The following MTAP variants were observed in gnomAD, a reference collection of about 807,000 sequenced individuals.
MTAP encodes the protein methylthioadenosine phosphorylase, also known as S-methyl-5'-thioadenosine phosphorylase.
A neutral mutation model predicts 33.6 loss-of-function variants in MTAP; 33 were observed. That is an observed-to-expected ratio of 0.98 (90% CI 0.74 to 1.31). The LOEUF (loss-of-function observed/expected upper bound fraction) is 1.31, where lower values mean the gene tolerates loss of function less well. Among genes scored for constraint, MTAP ranks in the 40% most tolerant of loss-of-function variants. MTAP has a pLI of 0.00. For synonymous variants in MTAP, 148 were observed against 125.7 expected (o/e 1.18, Z -1.19); for missense variants, 367 against 360.0 (o/e 1.02, Z -0.16).
chr9:21,862,262 G>GCGACCACC lies in MTAP; in HGVS notation c.*248_*249insCGACCACC. The GCGACCACC allele has an allele frequency of 1.1e-6, 1 of 942,598 alleles. No homozygotes were observed. 58.4% of individuals were successfully genotyped at this position (942,598 alleles called of 1,614,324 possible). A position where few individuals can be genotyped will look rare whatever the true frequency, so the allele number is the denominator to read the frequency against. On this transcript the variant is annotated 3_prime_UTR_variant, in exon 8 of 8. Coordinates refer to ENST00000644715, the MANE Select transcript of MTAP (RefSeq NM_002451.4). ...GGGAAAAAATATTACATTTTAAGGGGGAAAAAAAAACCCACCATTCTCTTC... is the reference window on the plus strand; with the variant it reads ...GGGAAAAAATATTACATTTTAAGGGGCGACCACCGAAAAAAAAACCCACCATTCTCTTC...
intron 4 of MTAP, among the ~76,000 whole-genome samples, chr9:21,822,887 C>T (rs1197775985): frequency 6.6e-6 from 1 of 152,152 alleles, no homozygotes; most frequent in Non-Finnish European, 1.5e-5. Context: ...ATGTAATGGC[C>T]TTCTTTGTCT....
chr9:21,908,838 C>CATAACTT (rs1488159417), intron 1 of MTAP, among the ~76,000 whole-genome samples: 1 of 151,812 alleles, frequency 6.6e-6, no homozygotes, highest in Non-Finnish European at 1.5e-5. Context: ...ATTATATATA[C>CATAACTT]ATAACTTATC....
intron 1 of MTAP, among the ~76,000 whole-genome samples, chr9:21,921,341 A>G (rs1456076821): frequency 1.3e-5 from 2 of 151,734 alleles, no homozygotes; most frequent in Non-Finnish European, 2.9e-5. Flanking sequence ...TTATTTTTTC[A>G]AAAAAACCTT....
At chr9:21,803,898 A>G (rs80123056) in intron 1 of MTAP, among the ~76,000 whole-genome samples, 112 of 152,334 alleles carry the variant, frequency 7.4e-4, no homozygotes, top group African/African-American at 2.6e-3. Context: ...GCAGGTTTAA[A>G]TGAGCCACTT....
At chr9:21,940,286 C>T (rs1819115747), downstream of MTAP, among the ~76,000 whole-genome samples, 1 of 152,170 alleles carries the variant, frequency 6.6e-6, no homozygotes, top group South Asian at 2.1e-4. Flanking sequence ...TTTGAAAAAG[C>T]TTATGTAATG....
At chr9:21,856,459 C>T (rs927735109) in intron 6 of MTAP, among the ~76,000 whole-genome samples, 2 of 152,170 alleles carry the variant, frequency 1.3e-5, no homozygotes, top group African/African-American at 4.8e-5. Context: ...TATTTGGCAG[C>T]TTTGGTAACC....
intron 5 of MTAP, among the ~76,000 whole-genome samples, chr9:21,850,666 G>A (rs922209881): frequency 3.9e-5 from 6 of 152,154 alleles, no homozygotes; most frequent in East Asian, 1.9e-4. Context: ...TTCTCCTTTC[G>A]AGAGACTGTC....
intron 5 of MTAP, among the ~76,000 whole-genome samples, chr9:21,844,809 C>T (rs528081991): frequency 7.9e-5 from 12 of 152,194 alleles, no homozygotes; most frequent in South Asian, 4.2e-4. Flanking sequence ...CCAAGGCGGG[C>T]GGATCACAAG....
At chr9:21,850,468 C>T (rs1213737232) in intron 5 of MTAP, among the ~76,000 whole-genome samples, 1 of 152,190 alleles carries the variant, frequency 6.6e-6, no homozygotes, top group Non-Finnish European at 1.5e-5. Flanking sequence ...GGCTCTGCAA[C>T]AGTTCCAGGC....
At chr9:21,872,816 T>C (rs1485024627) in intron 1 of MTAP, among the ~76,000 whole-genome samples, 1 of 152,192 alleles carries the variant, frequency 6.6e-6, no homozygotes, top group East Asian at 1.9e-4. Flanking sequence ...TTTCAACTTT[T>C]TCATGCTTTA....
chr9:21,856,014 C>T (rs1825634945), intron 6 of MTAP: 1 of 235,822 alleles, frequency 4.2e-6, no homozygotes, highest in African/African-American at 2.3e-5. Context: ...ATCAGAATCC[C>T]TTACAATCCA....
At chr9:21,902,475 T>C (rs1044954267) in intron 1 of MTAP, among the ~76,000 whole-genome samples, 1 of 152,238 alleles carries the variant, frequency 6.6e-6, no homozygotes, top group Non-Finnish European at 1.5e-5. Context: ...AAACTAGTTA[T>C]ACTGGTACAC....
At chr9:21,857,419 A>G (rs1825666310) in intron 6 of MTAP, among the ~76,000 whole-genome samples, 4 of 152,162 alleles carry the variant, frequency 2.6e-5, no homozygotes, top group Non-Finnish European at 2.9e-5. Flanking sequence ...TCCTATACAC[A>G]TCTTGGTGTT....
chr9:21,845,353 C>A (rs1825353624), intron 5 of MTAP, among the ~76,000 whole-genome samples: 1 of 151,998 alleles, frequency 6.6e-6, no homozygotes, highest in African/African-American at 2.4e-5. Context: ...TCAATATACT[C>A]AAATCAATAG....
At chr9:21,803,025 CA>C (rs1824101404) in intron 1 of MTAP, 2 of 1,096,958 alleles carry the variant, frequency 1.8e-6, no homozygotes, top group African/African-American at 1.7e-5. Flanking sequence ...CACACACACA[CA>C]CACACACACA....
intron 1 of MTAP, chr9:21,930,304 C>A (rs2518714): frequency 0.65 from 135,780 of 207,818 alleles, 47,883 homozygotes; most frequent in Non-Finnish European, 0.79. Context: ...CTCATCTCTT[C>A]TTTTGTTTTG....
intron 1 of MTAP, among the ~76,000 whole-genome samples, chr9:21,810,473 C>G (rs867708675): frequency 6.6e-6 from 1 of 152,168 alleles, no homozygotes; most frequent in Non-Finnish European, 1.5e-5. Flanking sequence ...CTCACTGGAA[C>G]TAATCCAACC....
chr9:21,923,492 G>T (rs979801439), intron 1 of MTAP, among the ~76,000 whole-genome samples: 1 of 152,148 alleles, frequency 6.6e-6, no homozygotes, highest in African/African-American at 2.4e-5. Flanking sequence ...AATAAACATT[G>T]CTGTTTTGAA....
chr9:21,836,329 G>A (rs1825105280), intron 4 of MTAP, among the ~76,000 whole-genome samples: 1 of 152,132 alleles, frequency 6.6e-6, no homozygotes, highest in African/African-American at 2.4e-5. Flanking sequence ...TATTAACGTT[G>A]CATGAAGCTT....
Sources: allele counts gnomAD v4.1 joint callset (sites outside exome capture counted in the v4.1 genomes callset), GRCh38; gene constraint gnomAD v4.1.1; transcripts MANE v1.5; gene names NCBI Gene and HGNC (gene_info 2026-07-23, HGNC 2026-07-21).